POLK: variants seen among roughly 807,000 people sequenced by gnomAD.
The protein encoded by POLK is DNA polymerase kappa, also known as polymerase (DNA directed) kappa.
A neutral mutation model predicts 94.0 loss-of-function variants in POLK; 76 were observed. That is an observed-to-expected ratio of 0.81 (90% CI 0.67 to 0.98). The LOEUF is 0.98. Ranked by LOEUF, POLK falls within the 50% of genes least tolerant of loss-of-function variation. The pLI is 0.00. For synonymous variants in POLK, 349 were observed against 325.4 expected (o/e 1.07, Z -0.78); for missense variants, 954 against 1,010.1 (o/e 0.94, Z 0.75).
chr5:75,575,609 A>T (rs1771832964), intron 5 of POLK, among the ~76,000 whole-genome samples: 1 of 152,194 alleles, frequency 6.6e-6, no homozygotes, highest in Non-Finnish European at 1.5e-5. Context: ...GTCTCTAGGG[A>T]GTACTTCTCA....
chr5:75,525,277 T>C (rs1487373831), intron 1 of POLK, among the ~76,000 whole-genome samples: 1 of 152,106 alleles, frequency 6.6e-6, no homozygotes, highest in Non-Finnish European at 1.5e-5. Context: ...TAAAGAAATA[T>C]GTTTGTATCA....
intron 3 of POLK, among the ~76,000 whole-genome samples, chr5:75,554,956 C>T (rs1267400598): frequency 5.9e-5 from 9 of 152,196 alleles, no homozygotes; most frequent in Admixed American, 3.9e-4. Flanking sequence ...AATAGTGCTG[C>T]AGTGAACAAA....
intron 3 of POLK, among the ~76,000 whole-genome samples, chr5:75,564,251 T>C: frequency 6.7e-6 from 1 of 149,280 alleles, no homozygotes; most frequent in Admixed American, 6.6e-5. Flanking sequence ...TCTTTCTTTC[T>C]TTTCTTTCTT....
chr5:75,538,507 A>G (rs1769567995), intron 1 of POLK: 1 of 152,192 alleles, frequency 6.6e-6, no homozygotes, highest in Non-Finnish European at 1.5e-5. Context: ...GAAACTTCAA[A>G]AAAAATAAAT....
At chr5:75,584,198 A>T (rs1356270078) in intron 8 of POLK, among the ~76,000 whole-genome samples, 1 of 152,188 alleles carries the variant, frequency 6.6e-6, no homozygotes, top group African/African-American at 2.4e-5. Context: ...AATATATTAA[A>T]AATTCATAAA....
exon 15 of POLK, chr5:75,598,254 A>C (rs1773193840): frequency 4.3e-6 from 1 of 235,246 alleles, no homozygotes; most frequent in Admixed American, 5.6e-5. Context: ...GTTAAGAGAT[A>C]ATTCTTAAAA....
intron 4 of POLK, among the ~76,000 whole-genome samples, chr5:75,573,419 C>T (rs532992727): frequency 2.6e-5 from 4 of 151,980 alleles, no homozygotes; most frequent in Admixed American, 6.6e-5. Context: ...TATTAAATGA[C>T]GAGTTAATGG....
rs569459243 is a variant in POLK, at chr5:75,585,069, G to A, written c.1226+143G>A. On this transcript the variant is annotated intron_variant, in intron 9 of 14. Transcript: ENST00000241436. ...TTCAAAATATAATGTTTGAATTAGA[G>A]TCAACAGATTGGATGTAGGAGGAAA... 109 of 620,730 alleles carry A rather than the reference G, an allele frequency of 1.8e-4. 3 individuals are homozygous for A. In the South Asian group the frequency reaches 2.3e-3, roughly 13 times the overall value. The allele number at this position is 620,730 out of a possible 1,614,324, so 38.5% of individuals were successfully genotyped here. A position where few individuals can be genotyped will look rare whatever the true frequency, so the allele number is the denominator to read the frequency against.
At chr5:75,530,245 CTTTTTTTTTTTTTTT>C (rs575507126) in intron 1 of POLK, among the ~76,000 whole-genome samples, 1 of 95,942 alleles carries the variant, frequency 1.0e-5, no homozygotes, top group Non-Finnish European at 2.1e-5. Context: ...ATTTGTATTT[CTTTTTTTTTTTTTTT>C]TTTTTTTGAG....
chr5:75,596,807 A>G (rs918775209), exon 13 of POLK: 1 of 1,610,098 alleles, frequency 6.2e-7, no homozygotes, highest in African/African-American at 1.3e-5. Context: ...GCTTTAGTAG[A>G]TACTATAGAT....
chr5:75,524,138 AAAC>A (rs1358285143), intron 1 of POLK, among the ~76,000 whole-genome samples: 17 of 152,214 alleles, frequency 1.1e-4, no homozygotes, highest in South Asian at 2.1e-4. Context: ...CAAAAAAAAA[AAAC>A]AACAAAAAAA....
At chr5:75,608,195 T>G in the POLK span, among the ~76,000 whole-genome samples, 18 of 151,598 alleles carry the variant, frequency 1.2e-4, no homozygotes, top group African/African-American at 4.4e-4. Flanking sequence ...GAAACTTAAT[T>G]AATTTTTTTT....
chr5:75,602,625 A>C (rs1373643843), downstream of POLK, among the ~76,000 whole-genome samples: 1 of 152,222 alleles, frequency 6.6e-6, no homozygotes, highest in East Asian at 1.9e-4. Flanking sequence ...ATGCAGAGAC[A>C]CTTCAAATTC....
rs373040283 is a variant in POLK at position 75,550,477 on chromosome 5, G to A, written c.136-1995G>A. On this transcript the variant is annotated intron_variant, in intron 2 of 14. Transcript: ENST00000241436. Reference sequence around the variant, plus strand: ...GCCTGTAGTCCCAGCTACTCAGGAGGCTGAGACAGGAGAATTGCTTGAATC... The same window carrying A: ...GCCTGTAGTCCCAGCTACTCAGGAGACTGAGACAGGAGAATTGCTTGAATC... Among the ~76,000 whole-genome samples, 13 of 152,236 alleles carry A rather than the reference G, an allele frequency of 8.5e-5. No individual in the cohort carries two copies. In the South Asian group the frequency reaches 2.7e-3, roughly 32 times the overall value.
At chr5:75,564,222 C>T (rs1295244719) in intron 3 of POLK, among the ~76,000 whole-genome samples, 1 of 151,688 alleles carries the variant, frequency 6.6e-6, no homozygotes, top group Non-Finnish European at 1.5e-5. Context: ...GCAACCCCTG[C>T]TTTTTTTTCT....
At chr5:75,533,995 G>T (rs1769317199) in intron 1 of POLK, among the ~76,000 whole-genome samples, 2 of 152,174 alleles carry the variant, frequency 1.3e-5, no homozygotes, top group Admixed American at 1.3e-4. Context: ...GCTGGGCGTG[G>T]TGGCTCATGC....
intron 1 of POLK, among the ~76,000 whole-genome samples, chr5:75,531,235 A>G (rs1769164577): frequency 6.6e-6 from 1 of 151,408 alleles, no homozygotes; most frequent in African/African-American, 2.4e-5. Flanking sequence ...ACTGTGCTTT[A>G]AATTCTTACC....
At chr5:75,573,922 A>T (rs1200970415) in intron 5 of POLK, 53 bp downstream of exon 5, 2 of 1,585,098 alleles carry the variant, frequency 1.3e-6, no homozygotes, top group Admixed American at 3.4e-5. Context: ...CCTGTCACCT[A>T]CAGAATCTCA....
chr5:75,511,033 C>A, upstream of POLK: 1 of 1,445,026 alleles, frequency 6.9e-7, no homozygotes, highest in Non-Finnish European at 9.1e-7. Flanking sequence ...CTCCCGCCAG[C>A]CCCACCCCAC....
Sources: allele counts gnomAD v4.1 joint callset (sites outside exome capture counted in the v4.1 genomes callset), GRCh38; gene constraint gnomAD v4.1.1; transcripts MANE v1.5; gene names NCBI Gene and HGNC (gene_info 2026-07-23, HGNC 2026-07-21).